Variants in DHRSX observed in about 807,000 individuals in gnomAD.
The protein encoded by DHRSX is polyprenol dehydrogenase.
DHRSX carries 31 observed loss-of-function variants against 34.0 expected under a neutral mutation model. The observed-to-expected ratio is 0.91, with a 90% CI of 0.69 to 1.23. DHRSX has a LOEUF of 1.23. Among genes scored for constraint, DHRSX ranks in the 50% most tolerant of loss-of-function variants. DHRSX has a pLI of 0.00. For synonymous variants in DHRSX, 201 were observed against 183.8 expected (o/e 1.09, Z -0.76); for missense variants, 414 against 428.1 (o/e 0.97, Z 0.29).
chrX:2,416,902 C>T (rs1309600168), intron 2 of DHRSX, among the ~76,000 whole-genome samples: 2 of 151,852 alleles, frequency 1.3e-5, no homozygotes, highest in African/African-American at 4.8e-5. Flanking sequence ...TTTCCCATCT[C>T]TTATTTTGTA....
In DHRSX at chrX:2,433,845, G is replaced by C. The variant is rs73632319; in HGVS notation, c.110-8541C>G. Reference sequence around the variant, plus strand: ...GCTGGAATGCAGTGGCGCAATATCAGCTCAATGCAAGCTCCACCTCCCGGG... The same window carrying C: ...GCTGGAATGCAGTGGCGCAATATCACCTCAATGCAAGCTCCACCTCCCGGG... On this transcript the variant is annotated intron_variant, in intron 1 of 6. Transcript: ENST00000334651. Among the ~76,000 whole-genome samples the C allele has an allele frequency of 3.3e-3, 497 of 152,252 alleles. 2 individuals are homozygous for C. The highest frequency in any genetic ancestry group is 0.011 in the African/African-American group (471 of 41,532).
intron 3 of DHRSX, among the ~76,000 whole-genome samples, chrX:2,301,981 G>A (rs779984152): frequency 7.2e-5 from 11 of 152,034 alleles, no homozygotes; most frequent in Non-Finnish European, 1.2e-4. Context: ...GTGGGGTCCC[G>A]GGTCCCCAGA....
chrX:2,382,582 C>T (rs867256063), intron 3 of DHRSX, among the ~76,000 whole-genome samples: 8 of 19,844 alleles, frequency 4.0e-4, no homozygotes, highest in African/African-American at 9.5e-4. Flanking sequence ...ATCACCATCA[C>T]CATCATCATC....
intron 3 of DHRSX, among the ~76,000 whole-genome samples, chrX:2,353,838 G>A (rs1209273829): frequency 1.3e-5 from 2 of 151,950 alleles, no homozygotes; most frequent in African/African-American, 4.8e-5. Flanking sequence ...TCCTGCCTTG[G>A]CCTCCCAAAT....
chrX:2,254,939 G>GC (rs1224803706), intron 5 of DHRSX, among the ~76,000 whole-genome samples: 36 of 132,432 alleles, frequency 2.7e-4, no homozygotes, highest in African/African-American at 1.1e-3. Flanking sequence ...CACTGTGCCT[G>GC]CCCCACGCCC....
chrX:2,275,343 CA>C (rs768710073), intron 4 of DHRSX, among the ~76,000 whole-genome samples: 9,917 of 127,312 alleles, frequency 0.078, 1,117 homozygotes, highest in African/African-American at 0.24. Flanking sequence ...ACTAAAAATA[CA>C]AAAAAAAAAA....
chrX:2,441,652 C>T (rs1311787528), intron 1 of DHRSX, among the ~76,000 whole-genome samples: 2 of 152,122 alleles, frequency 1.3e-5, no homozygotes. Flanking sequence ...CTCTTTTTAC[C>T]TCTTAAGACC....
chrX:2,262,980 C>T lies in DHRSX; in HGVS notation c.596+3760G>A, dbSNP rs1406480594. ...TGCAAACTGTTAGGAGCTGGCAGGGCCTGTGCCCCTGGGCTCACCCTCCTC... is the reference window on the plus strand; with the variant it reads ...TGCAAACTGTTAGGAGCTGGCAGGGTCTGTGCCCCTGGGCTCACCCTCCTC... On this transcript the variant is annotated intron_variant, in intron 5 of 6. Coordinates refer to ENST00000334651, the MANE Select transcript of DHRSX (RefSeq NM_145177.3). 2.0e-5 allele frequency among the ~76,000 whole-genome samples: 3 copies of T among 152,244 alleles called. No homozygotes were observed. The East Asian group carries it at 5.8e-4, about 29-fold the overall frequency.
intron 4 of DHRSX, among the ~76,000 whole-genome samples, chrX:2,274,789 T>G (rs1178193571): frequency 6.6e-6 from 1 of 152,140 alleles, no homozygotes; most frequent in Non-Finnish European, 1.5e-5. Context: ...CAAACCCACC[T>G]GAAACGCTGA....
intron 3 of DHRSX, among the ~76,000 whole-genome samples, chrX:2,395,888 G>A (rs1393570675): frequency 1.3e-5 from 2 of 152,024 alleles, no homozygotes; most frequent in African/African-American, 4.8e-5. Flanking sequence ...ATTCCTGCCC[G>A]ATCTATGTCT....
intron 1 of DHRSX, chrX:2,488,692 G>A (rs146707840): frequency 2.0e-5 from 33 of 1,613,554 alleles, no homozygotes; most frequent in South Asian, 6.6e-5. Context: ...CATCCCCCAA[G>A]GAGAACACCT....
intron 3 of DHRSX, among the ~76,000 whole-genome samples, chrX:2,316,575 C>CA (rs1174588258): frequency 8.6e-5 from 13 of 151,998 alleles, no homozygotes; most frequent in African/African-American, 2.2e-4. Context: ...ATAATAACAA[C>CA]AAAAACCAGG....
intron 6 of DHRSX, among the ~76,000 whole-genome samples, chrX:2,223,862 TC>T (rs1261149566): frequency 6.6e-6 from 1 of 152,082 alleles, no homozygotes; most frequent in Non-Finnish European, 1.5e-5. Flanking sequence ...CCAGCCCACT[TC>T]CATATAAAAG....
intron 3 of DHRSX, among the ~76,000 whole-genome samples, chrX:2,321,329 G>A (rs1263011140): frequency 6.6e-6 from 1 of 152,144 alleles, no homozygotes; most frequent in Non-Finnish European, 1.5e-5. Flanking sequence ...GACATTTACA[G>A]CTCGTGTCAG....
chrX:2,366,435 A>C (rs190092162), intron 3 of DHRSX, among the ~76,000 whole-genome samples: 2 of 151,848 alleles, frequency 1.3e-5, no homozygotes, highest in Admixed American at 1.3e-4. Context: ...AGCGAAACTC[A>C]GTCTCAAAAA....
At chrX:2,456,611 T>C (rs2044300947) in intron 1 of DHRSX, among the ~76,000 whole-genome samples, 1 of 90,800 alleles carries the variant, frequency 1.1e-5, no homozygotes, top group African/African-American at 4.6e-5. Flanking sequence ...AAGACTCCTC[T>C]TCAAAAAAAA....
At chrX:2,377,882 G>C (rs2043160085) in intron 3 of DHRSX, among the ~76,000 whole-genome samples, 1 of 152,058 alleles carries the variant, frequency 6.6e-6, no homozygotes, top group Non-Finnish European at 1.5e-5. Flanking sequence ...GGGACTACAG[G>C]TGCGTGCCAC....
At chrX:2,366,388 C>T (rs1036723400) in intron 3 of DHRSX, among the ~76,000 whole-genome samples, 2 of 151,106 alleles carry the variant, frequency 1.3e-5, no homozygotes, top group African/African-American at 4.9e-5. Context: ...TACGGTGAGC[C>T]GAGACCACGC....
At chrX:2,391,403 G>A (rs2043334082) in intron 3 of DHRSX, among the ~76,000 whole-genome samples, 1 of 152,150 alleles carries the variant, frequency 6.6e-6, no homozygotes, top group South Asian at 2.1e-4. Context: ...CACCACTGGT[G>A]CAACACCAGT....
Sources: gnomAD v4.1 joint callset for allele counts (sites outside exome capture counted in the v4.1 genomes callset) on GRCh38, gnomAD v4.1.1 for gene constraint, MANE v1.5 for transcripts, NCBI Gene and HGNC (gene_info 2026-07-23, HGNC 2026-07-21) for gene names.